The following GAD2 variants were observed in gnomAD, a reference collection of about 807,000 sequenced individuals.
The protein encoded by GAD2 is 65 kDa glutamic acid decarboxylase.
Under a neutral mutation model 80.1 loss-of-function variants are expected in GAD2, and 22 were observed. The observed-to-expected ratio is 0.27, with a 90% confidence interval of 0.20 to 0.39. The LOEUF is 0.39. GAD2 is among the 10% of genes least tolerant of loss of function. GAD2 has a pLI of 1.00. For missense variants in GAD2, 624 were observed against 738.4 expected (o/e 0.85, Z 1.80); for synonymous variants, 274 against 256.9 (o/e 1.07, Z -0.64).
chr10:26,270,837 C>G (rs1845128680), intron 10 of GAD2, 81 bp downstream of exon 10: 10 of 930,712 alleles, frequency 1.1e-5, no homozygotes, highest in South Asian at 2.7e-5. Flanking sequence ...TTTGTTTTCT[C>G]TTTTTTTAAC....
intron 8 of GAD2, among the ~76,000 whole-genome samples, chr10:26,249,464 T>A (rs1844852879): frequency 6.6e-6 from 1 of 152,218 alleles, no homozygotes; most frequent in South Asian, 2.1e-4. Context: ...TTTCTTAATC[T>A]GTAGTTGATC....
rs57365924 is a variant in GAD2, at chr10:26,247,919, GAA to G, written c.920+1930_920+1931del. On this transcript the variant is annotated intron_variant, in intron 8 of 15. Transcript: ENST00000376261. ...TCAAAAAAAAAAAAAAAAAGGAAAA[GAA>G]AAAAAAAAAAGAAAGCTCTAAAAAT... Among the ~76,000 whole-genome samples the G allele has an allele frequency of 4.6e-3, 607 of 130,956 alleles. 3 individuals carry two copies. The highest frequency in any genetic ancestry group is 0.017 in the African/African-American group (590 of 35,030). 85.9% of individuals were successfully genotyped at this position (130,956 alleles called of 152,430 possible).
intron 8 of GAD2, among the ~76,000 whole-genome samples, chr10:26,254,871 G>A (rs1184898248): frequency 6.6e-6 from 1 of 152,244 alleles, no homozygotes; most frequent in Non-Finnish European, 1.5e-5. Context: ...TGGTGTGCAG[G>A]TTGAGACAGG....
At position 26,245,922 on chromosome 10, in the gene GAD2, G is replaced by C. The variant is rs1244885241; in HGVS notation, c.842G>C (p.Ser281Thr). ...CAAATATATATATTTTTTTTACAGA[G>C]TCATTTTTCTCTCAAGAAGGGAGCT... is the stretch of plus-strand genomic sequence containing the variant. ...PRLIAFTSEH[S>T]HFSLKKGAAA... The change falls in exon 8 of 16, where the codon AGT becomes ACT. Residue 281 changes from serine (S) to threonine (T), a missense_variant and splice_region_variant. Coordinates refer to ENST00000376261, the MANE Select transcript of GAD2 (RefSeq NM_001134366.2). 6.2e-7 allele frequency: 1 copy of C among 1,611,054 alleles called. No individual in the cohort carries two copies. Among genetic ancestry groups the C allele is most frequent in the East Asian group, 2.2e-5 (1 of 44,854 alleles).
At chr10:26,220,949 T>A (rs1211082434) in intron 4 of GAD2, among the ~76,000 whole-genome samples, 1 of 152,210 alleles carries the variant, frequency 6.6e-6, no homozygotes, top group African/African-American at 2.4e-5. Flanking sequence ...AACTGTTAGG[T>A]GTCACTGTAA....
At chr10:26,299,898 AT>A (rs1834311026) in intron 15 of GAD2, among the ~76,000 whole-genome samples, 1 of 152,188 alleles carries the variant, frequency 6.6e-6, no homozygotes, top group South Asian at 2.1e-4. Flanking sequence ...AAAGGGATGG[AT>A]TCTAAGCACA....
At chr10:26,249,502 G>A (rs1180749997) in intron 8 of GAD2, among the ~76,000 whole-genome samples, 1 of 152,242 alleles carries the variant, frequency 6.6e-6, no homozygotes, top group Non-Finnish European at 1.5e-5. Context: ...CTGGAGTTGA[G>A]GGAAGAATCA....
intron 12 of GAD2, among the ~76,000 whole-genome samples, chr10:26,284,128 C>T (rs2132314182): frequency 6.6e-6 from 1 of 152,150 alleles, no homozygotes; most frequent in South Asian, 2.1e-4. Flanking sequence ...CTTACAAATC[C>T]AAGACTTTAT....
chr10:26,290,478 G>T (rs1387047005), intron 13 of GAD2, among the ~76,000 whole-genome samples: 2 of 152,204 alleles, frequency 1.3e-5, no homozygotes, highest in Non-Finnish European at 2.9e-5. Context: ...CGGAGTGGTT[G>T]AGCAGGAGTT....
chr10:26,227,402 C>G (rs1844541235), intron 6 of GAD2, among the ~76,000 whole-genome samples: 1 of 152,244 alleles, frequency 6.6e-6, no homozygotes, highest in South Asian at 2.1e-4. Context: ...CTCAGAGCTG[C>G]TGAGCCTTTA....
chr10:26,242,745 A>T (rs1360265855), intron 7 of GAD2, among the ~76,000 whole-genome samples: 1 of 152,158 alleles, frequency 6.6e-6, no homozygotes, highest in Non-Finnish European at 1.5e-5. Context: ...TGGTACCGTG[A>T]TCAATTATCC....
chr10:26,246,472 T>C (rs924311523), intron 8 of GAD2, among the ~76,000 whole-genome samples: 1 of 152,152 alleles, frequency 6.6e-6, no homozygotes, highest in African/African-American at 2.4e-5. Flanking sequence ...CTGTCTTAAT[T>C]GACACCTGAA....
At chr10:26,243,714 C>T (rs1173944119) in intron 7 of GAD2, among the ~76,000 whole-genome samples, 2 of 152,194 alleles carry the variant, frequency 1.3e-5, no homozygotes, top group South Asian at 4.1e-4. Flanking sequence ...TTTTTTAAAG[C>T]CTGACTCAGG....
intron 4 of GAD2, 45 bp downstream of exon 4, chr10:26,219,321 TTTTTA>T (rs1844424940): frequency 8.0e-7 from 1 of 1,242,282 alleles, no homozygotes; most frequent in African/African-American, 1.5e-5. Flanking sequence ...TCGTTTACAA[TTTTTA>T]TTTTATTTTT....
At position 26,229,808 on chromosome 10, in the gene GAD2, GT is replaced by G. The variant is rs375442180; in HGVS notation, c.840+33del. 1.0e-4 allele frequency: 152 copies of G among 1,524,494 alleles called. No individual in the cohort carries two copies. The East Asian group carries it at 1.1e-3, about 11-fold the overall frequency. The allele number at this position is 1,524,494 out of a possible 1,614,324, so 94.4% of individuals were successfully genotyped here. On this transcript the variant is annotated intron_variant, in intron 7 of 15. Coordinates refer to ENST00000376261, the MANE Select transcript of GAD2 (RefSeq NM_001134366.2). Reference sequence around the variant, plus strand: ...TGTTTCTTTTCCTTGCAAGTTTAAGGTTATGTTCCATAAAGCCCGAGTTTAA... The same window carrying G: ...TGTTTCTTTTCCTTGCAAGTTTAAGGTATGTTCCATAAAGCCCGAGTTTAA...
chr10:26,266,112 G>C (rs1845070527), intron 8 of GAD2, among the ~76,000 whole-genome samples: 1 of 152,186 alleles, frequency 6.6e-6, no homozygotes, highest in South Asian at 2.1e-4. Flanking sequence ...GCAAATTCTT[G>C]TGCATATTTG....
At chr10:26,286,837 T>C (rs1845338833) in intron 13 of GAD2, among the ~76,000 whole-genome samples, 2 of 152,216 alleles carry the variant, frequency 1.3e-5, no homozygotes, top group Non-Finnish European at 2.9e-5. Context: ...ATTGATCACC[T>C]GGGTAGGTGA....
Position 26,219,067 on chromosome 10 carries a change from A to C in GAD2, c.311A>C (p.Glu104Ala). The C allele has an allele frequency of 1.9e-6, 3 of 1,588,214 alleles. No individual in the cohort carries two copies. Among genetic ancestry groups the C allele is most frequent in the Non-Finnish European group, 2.6e-6 (3 of 1,165,844 alleles). The change falls in exon 4 of 16, where the codon GAA (glutamate) becomes GCA (alanine). Residue 104 changes from glutamate (E) to alanine (A), a missense_variant. Physicochemically the swap from Glu to Ala is moderately radical, Grantham distance 107. Coordinates refer to ENST00000376261, the MANE Select transcript of GAD2 (RefSeq NM_001134366.2). ...ATDLLPACDG[E>A]RPTLAFLQDV... ...GACCTGCTGCCGGCGTGTGATGGAG[A>C]AAGGCCCACTTTGGCGTTTCTGCAA... is the stretch of plus-strand genomic sequence containing the variant.
chr10:26,217,520 CTGAT>C lies in GAD2; in HGVS notation c.77-84_77-81del. The stretch of plus-strand genomic sequence containing the variant: ...AGGCGGCCCCTCCTAGGACCCCGGA[CTGAT>C]TGATTTTCACATAGAACGAAATTTC... On this transcript the variant is annotated intron_variant, in intron 1 of 15. Transcript: ENST00000376261. The surrounding 1 kb of genome is among the most constrained non-coding windows in gnomAD (Gnocchi z 4.9). 3 of 1,376,706 alleles carry C rather than the reference CTGAT, an allele frequency of 2.2e-6. No homozygotes were observed. The highest frequency in any genetic ancestry group is 2.5e-5 in the South Asian group (2 of 80,562). The allele number at this position is 1,376,706 out of a possible 1,614,324, so 85.3% of individuals were successfully genotyped here. A position where few individuals can be genotyped will look rare whatever the true frequency, so the allele number is the denominator to read the frequency against.
Sources: gnomAD v4.1 joint callset for allele counts (sites outside exome capture counted in the v4.1 genomes callset) on GRCh38, gnomAD v4.1.1 for gene constraint, Gnocchi (gnomAD v3.1) non-coding constraint, MANE v1.5 for transcripts, NCBI Gene and HGNC (gene_info 2026-07-23, HGNC 2026-07-21) for gene names.